ADSL: variants seen among roughly 807,000 people sequenced by gnomAD.
ADSL encodes the protein adenylosuccinate lyase.
A neutral mutation model predicts 62.1 loss-of-function variants in ADSL; 44 were observed. That is an observed-to-expected ratio of 0.71 (90% confidence interval 0.56 to 0.91). The LOEUF is 0.91. ADSL is among the 40% of genes least tolerant of loss of function. The pLI is 0.00. For missense variants in ADSL, 531 were observed against 627.4 expected (o/e 0.85, Z 1.64); for synonymous variants, 198 against 220.5 (o/e 0.90, Z 0.90).
At chr22:40,354,599 G>T (rs1239098643) in intron 4 of ADSL, among the ~76,000 whole-genome samples, 1 of 152,120 alleles carries the variant, frequency 6.6e-6, no homozygotes, top group Non-Finnish European at 1.5e-5. Context: ...GGCCGGGTGT[G>T]GTGGCTCATG....
intron 2 of ADSL, among the ~76,000 whole-genome samples, chr22:40,385,094 G>A (rs1251148596): frequency 6.6e-6 from 1 of 152,194 alleles, no homozygotes; most frequent in Non-Finnish European, 1.5e-5. Context: ...TCATTGAACA[G>A]TTCAAGAAAC....
chr22:40,353,036 G>A, intron 2 of ADSL, 37 bp from the exon 3 acceptor site: 1 of 1,585,494 alleles, frequency 6.3e-7, no homozygotes, highest in Non-Finnish European at 8.7e-7. Flanking sequence ...TTTGAGCAAA[G>A]CTGCTAAATA....
intron 3 of ADSL, among the ~76,000 whole-genome samples, chr22:40,353,621 C>CTTTTT (rs772788908): frequency 7.0e-5 from 8 of 114,766 alleles, no homozygotes; most frequent in Admixed American, 1.1e-4. Context: ...AAAGCATAGC[C>CTTTTT]TTTTTTTTTT....
At chr22:40,372,112 TCC>T (rs766386245), downstream of ADSL, among the ~76,000 whole-genome samples, 2 of 95,154 alleles carry the variant, frequency 2.1e-5, no homozygotes, top group African/African-American at 9.1e-5. Flanking sequence ...CTTCTCCCTG[TCC>T]CCCCCCCCTT....
chr22:40,366,490 G>A lies in ADSL; in HGVS notation c.1423G>A (p.Val475Met), dbSNP rs1158489609. ...TCCCCTGTTAAAACCATATGAAAGCGTGATGAAGGTGAAAGCAGAATTATG... is the reference window on the plus strand; with the variant it reads ...TCCCCTGTTAAAACCATATGAAAGCATGATGAAGGTGAAAGCAGAATTATG... ...VYPLLKPYES[V>M]MKVKAELCL The change falls in exon 13 of 13, where the codon GTG (valine) becomes ATG (methionine). Residue 475 changes from valine to methionine, a missense_variant. Around this residue, in one of 2 missense-constraint regions of ADSL, gnomAD observed 471 missense variants for 592.9 expected, o/e 0.79. Coordinates refer to ENST00000623063, the MANE Select transcript of ADSL (RefSeq NM_000026.4). 8.7e-6 allele frequency: 14 copies of A among 1,613,244 alleles called. No individual in the cohort carries two copies. The highest frequency in any genetic ancestry group is 1.1e-5 in the South Asian group (1 of 91,066).
In ADSL at chr22:40,361,642, G is replaced by A. The variant is rs765143438; in HGVS notation, c.1010+7G>A. On this transcript the variant is annotated splice_region_variant and intron_variant, in intron 9 of 12. Coordinates refer to ENST00000623063, the MANE Select transcript of ADSL (RefSeq NM_000026.4). ...TGGATGATAGTGCCAACCGGTCAGT[G>A]GCACAGGGACATCACATACACCAAG... 2 of 1,612,372 alleles carry A rather than the reference G, an allele frequency of 1.2e-6. No individual in the cohort carries two copies. The highest frequency in any genetic ancestry group is 2.2e-5 in the East Asian group (1 of 44,890).
At chr22:40,358,387 C>A (rs887116009) in intron 4 of ADSL, among the ~76,000 whole-genome samples, 11 of 152,018 alleles carry the variant, frequency 7.2e-5, no homozygotes, top group African/African-American at 2.7e-4. Flanking sequence ...AGTTTGAGAC[C>A]AGCCTGAGCA....
At chr22:40,349,295 G>A (rs1306351005) in intron 1 of ADSL, among the ~76,000 whole-genome samples, 1 of 151,996 alleles carries the variant, frequency 6.6e-6, no homozygotes, top group East Asian at 1.9e-4. Flanking sequence ...AATGTGTGAG[G>A]GAGTGAACCA....
intron 2 of ADSL, among the ~76,000 whole-genome samples, chr22:40,383,961 A>G (rs1204379475): frequency 6.6e-6 from 1 of 152,210 alleles, no homozygotes; most frequent in Non-Finnish European, 1.5e-5. Context: ...TAAAAGCAGG[A>G]GCCAAGGCCA....
chr22:40,371,090 C>T (rs1485088553), downstream of ADSL, among the ~76,000 whole-genome samples: 10 of 152,216 alleles, frequency 6.6e-5, no homozygotes, highest in Admixed American at 4.6e-4. Context: ...GACTCCTCCT[C>T]AGGTTTAACT....
rs1200293688 is a variant in ADSL, at chr22:40,367,239, C to G, written c.*717C>G. ...GCAACCTCCGCCTCTCAGGTTCAAG[C>G]GATTCTCCAGCCTCAGCCTCCCAAG... On this transcript the variant is annotated 3_prime_UTR_variant, in exon 13 of 13. Transcript: ENST00000623063. 6.6e-6 allele frequency: 1 copy of G among 152,276 alleles called. No individual in the cohort carries two copies. The allele number at this position is 152,276 out of a possible 1,614,324, so 9.4% of individuals were successfully genotyped here. A position where few individuals can be genotyped will look rare whatever the true frequency, so the allele number is the denominator to read the frequency against.
intron 2 of ADSL, among the ~76,000 whole-genome samples, chr22:40,376,004 C>T (rs949441788): frequency 6.6e-6 from 1 of 150,798 alleles, no homozygotes; most frequent in African/African-American, 2.4e-5. Flanking sequence ...TCACACCACA[C>T]ACCACACACT....
Position 40,374,549 on chromosome 22 carries a change from A to G in ADSL, c.89+8051A>G, listed in dbSNP as rs2146734837. Among the ~76,000 whole-genome samples, 3 of 152,208 alleles carry G rather than the reference A, an allele frequency of 2.0e-5. No homozygotes were observed. The South Asian group carries it at 6.2e-4, about 32-fold the overall frequency. ...GGGGCTTTGTGTTGTTCACCACCTC[A>G]CCCCCATCTCCTAGAACAGTGGTAG... On this transcript the variant is annotated intron_variant, in intron 2 of 2. Coordinates refer to the ADSL transcript ENST00000498234.
chr22:40,361,020 T>G (rs556168179), intron 7 of ADSL: 37 of 549,196 alleles, frequency 6.7e-5, no homozygotes, highest in Non-Finnish European at 7.9e-5. Context: ...CTTGTGATTT[T>G]CTTTCCATGA....
chr22:40,351,474 T>G (rs777658595), intron 2 of ADSL, among the ~76,000 whole-genome samples: 13 of 151,312 alleles, frequency 8.6e-5, no homozygotes, highest in Non-Finnish European at 1.8e-4. Context: ...GCCTGGCAAA[T>G]TTTTAAAATA....
rs145786986 is a variant in ADSL, at chr22:40,349,894, C to T, written c.216C>T (p.Ile72=). The T allele has an allele frequency of 1.1e-3, 1,833 of 1,614,134 alleles. 38 individuals carry two copies. The Admixed American group carries it at 0.028, about 25-fold the overall frequency. The part of the protein sequence containing the change: ...IQEMKSNLEN[I]DFKMAAEEEK... ...AGATGAAATCAAACCTGGAGAACAT[C>T]GACTTCAAGATGGCAGCTGAGGAAG... The change falls in exon 2 of 13, where the codon ATC becomes ATT. Residue 72 remains isoleucine, a synonymous_variant. Coordinates refer to ENST00000623063, the MANE Select transcript of ADSL (RefSeq NM_000026.4).
chr22:40,377,109 T>C (rs1254392067), intron 2 of ADSL, among the ~76,000 whole-genome samples: 3 of 152,220 alleles, frequency 2.0e-5, no homozygotes, highest in Non-Finnish European at 1.5e-5. Flanking sequence ...TTAGTAGACA[T>C]AAGTTGTTTT....
chr22:40,351,628 G>A (rs1198586851), intron 2 of ADSL, among the ~76,000 whole-genome samples: 2 of 152,036 alleles, frequency 1.3e-5, no homozygotes, highest in Non-Finnish European at 2.9e-5. Flanking sequence ...CTTAATCAGA[G>A]TATACCCATG....
chr22:40,370,192 A>G (rs1466003115), downstream of ADSL, among the ~76,000 whole-genome samples: 1 of 151,802 alleles, frequency 6.6e-6, no homozygotes, highest in East Asian at 1.9e-4. Flanking sequence ...ATACTGTACT[A>G]AAAATACAAA....
Sources: gnomAD v4.1 joint callset for allele counts (sites outside exome capture counted in the v4.1 genomes callset) on GRCh38, gnomAD v4.1.1 for gene constraint, gnomAD v4.1.1 regional missense constraint, MANE v1.5 for transcripts, NCBI Gene and HGNC (gene_info 2026-07-23, HGNC 2026-07-21) for gene names.